PRELID2: variants seen among roughly 807,000 people sequenced by gnomAD.
PRELID2 encodes PRELI domain-containing protein 2.
In PRELID2, 25 loss-of-function variants were observed where a neutral mutation model predicts 28.4. The observed-to-expected ratio is 0.88, with a 90% confidence interval of 0.64 to 1.23. The LOEUF is 1.23. PRELID2 is among the 50% of genes most tolerant of loss of function. The pLI, the probability that PRELID2 is intolerant of heterozygous loss-of-function variation, is 0.00. For missense variants in PRELID2, 201 were observed against 214.4 expected, an observed-to-expected ratio of 0.94 and a Z score of 0.39; for synonymous variants, 76 against 71.6, an observed-to-expected ratio of 1.06 and a Z score of -0.31.
intron 5 of PRELID2, among the ~76,000 whole-genome samples, chr5:145,782,702 A>G (rs1028695014): frequency 2.1e-4 from 32 of 152,206 alleles, no homozygotes; most frequent in African/African-American, 7.5e-4. Flanking sequence ...TTATTTTTAA[A>G]TATTTTATTG....
At chr5:145,240,037 C>A in the PRELID2 span, among the ~76,000 whole-genome samples, 3 of 152,010 alleles carry the variant, frequency 2.0e-5, no homozygotes, top group East Asian at 5.8e-4. Context: ...TAAATAAGTT[C>A]TTTGACAACA....
At position 145,585,990 on chromosome 5, in the gene PRELID2, CT is replaced by C. The variant is rs915188606; in HGVS notation, n.71-112676del. On this transcript the variant is annotated intron_variant and non_coding_transcript_variant, in intron 1 of 2. Transcript: ENST00000510259. ...GTGCTCTTGAAACCTAGAGAAATCC[CT>C]GGATCATCCAGAGATTTCGAGTCTA... Among the ~76,000 whole-genome samples, 27 of 152,062 alleles carry C rather than the reference CT, an allele frequency of 1.8e-4. 1 individual carries two copies. The highest frequency in any genetic ancestry group is 1.2e-3 in the Admixed American group (18 of 15,242).
At chr5:145,454,459 G>C in the PRELID2 span, among the ~76,000 whole-genome samples, 8 of 152,168 alleles carry the variant, frequency 5.3e-5, no homozygotes, top group African/African-American at 1.9e-4. Flanking sequence ...GAAATAAAGG[G>C]TATTCAATTA....
In PRELID2 at chr5:145,488,791, C is replaced by T. The variant is rs181567176; in HGVS notation, n.71-15476G>A. On this transcript the variant is annotated intron_variant and non_coding_transcript_variant, in intron 1 of 2. Transcript: ENST00000510259. Reference sequence around the variant, plus strand: ...AATCGAGTTCATGGCCTCTTACGACCTAGTAGTTTTTTATTCACACATTTA... The same window carrying T: ...AATCGAGTTCATGGCCTCTTACGACTTAGTAGTTTTTTATTCACACATTTA... Among the ~76,000 whole-genome samples, 9 of 152,150 alleles carry T rather than the reference C, an allele frequency of 5.9e-5. No homozygotes were observed. In the East Asian group the frequency reaches 1.7e-3, roughly 29 times the overall value.
At position 145,719,436 on chromosome 5, in the gene PRELID2, A is replaced by G. The variant is rs180822106; in HGVS notation, n.70+45495T>C. On this transcript the variant is annotated intron_variant and non_coding_transcript_variant, in intron 1 of 2. Transcript: ENST00000510259. ...TGAAGAGAAGCATGTAAAAGAAACA[A>G]AATCCTACAAGACAAAAGGTAGTAA... Among the ~76,000 whole-genome samples the G allele has an allele frequency of 7.7e-4, 117 of 151,996 alleles. 1 individual carries two copies. Among genetic ancestry groups the G allele is most frequent in the African/African-American group, 2.6e-3 (108 of 41,508 alleles).
At chr5:145,345,236 C>A in the PRELID2 span, among the ~76,000 whole-genome samples, 1 of 152,000 alleles carries the variant, frequency 6.6e-6, no homozygotes, top group African/African-American at 2.4e-5. Context: ...ATTCCATTCT[C>A]ACTAAGCCCT....
the PRELID2 span, among the ~76,000 whole-genome samples, chr5:145,297,044 T>C: frequency 3.9e-5 from 6 of 152,122 alleles, no homozygotes; most frequent in African/African-American, 1.4e-4. Context: ...GGGTTGTTTG[T>C]TTTTTCCTTG....
chr5:145,697,082 C>T (rs867649871), intron 1 of PRELID2, among the ~76,000 whole-genome samples: 38 of 96,510 alleles, frequency 3.9e-4, no homozygotes, highest in East Asian at 1.1e-3. Context: ...TATATATATA[C>T]ACACACACAC....
intron 1 of PRELID2, among the ~76,000 whole-genome samples, chr5:145,682,932 T>C (rs1754966433): frequency 6.6e-6 from 1 of 152,164 alleles, no homozygotes; most frequent in Non-Finnish European, 1.5e-5. Context: ...CAGTGTTACA[T>C]CATGGGACTA....
At chr5:145,350,098 A>G in the PRELID2 span, among the ~76,000 whole-genome samples, 1 of 152,154 alleles carries the variant, frequency 6.6e-6, no homozygotes, top group Non-Finnish European at 1.5e-5. Flanking sequence ...TGCTGGACAA[A>G]TTATTTAAAT....
chr5:145,716,964 C>T (rs548204751), intron 1 of PRELID2, among the ~76,000 whole-genome samples: 1 of 152,220 alleles, frequency 6.6e-6, no homozygotes, highest in African/African-American at 2.4e-5. Flanking sequence ...TGACACAACT[C>T]ATATACCCAT....
chr5:145,370,224 G>A, the PRELID2 span, among the ~76,000 whole-genome samples: 4 of 152,048 alleles, frequency 2.6e-5, no homozygotes, highest in Non-Finnish European at 4.4e-5. Flanking sequence ...GTACTGCCAA[G>A]GTTTCCTTCT....
At chr5:145,356,131 G>A in the PRELID2 span, among the ~76,000 whole-genome samples, 6 of 151,840 alleles carry the variant, frequency 4.0e-5, no homozygotes, top group Non-Finnish European at 5.9e-5. Flanking sequence ...CCTAACACTG[G>A]CCTCATTCGA....
At position 145,604,882 on chromosome 5, in the gene PRELID2, C is replaced by CATATATAT. The variant is rs35401852; in HGVS notation, n.71-131575_71-131568dup. Among the ~76,000 whole-genome samples, 497 of 116,132 alleles carry CATATATAT rather than the reference C, an allele frequency of 4.3e-3. 10 individuals carry two copies. Among genetic ancestry groups the CATATATAT allele is most frequent in the African/African-American group, 6.8e-3 (178 of 26,332 alleles). 76.2% of individuals were successfully genotyped at this position (116,132 alleles called of 152,430 possible). ...ACCATATTTTAATATGCTTGTTGGC[C>CATATATAT]ATATATATATATATATATATATTCT... On this transcript the variant is annotated intron_variant and non_coding_transcript_variant, in intron 1 of 2. Transcript: ENST00000510259.
At chr5:145,450,218 T>G in the PRELID2 span, among the ~76,000 whole-genome samples, 1 of 152,130 alleles carries the variant, frequency 6.6e-6, no homozygotes, top group Non-Finnish European at 1.5e-5. Context: ...AGTCCCTCAT[T>G]GCAAAACACA....
At chr5:145,302,187 TC>T in the PRELID2 span, among the ~76,000 whole-genome samples, 2 of 152,032 alleles carry the variant, frequency 1.3e-5, no homozygotes, top group South Asian at 4.2e-4. Flanking sequence ...TCTGAGACAG[TC>T]TCACTTTGTC....
chr5:145,473,235 A>G (rs1210529576), exon 2 of PRELID2: 1 of 152,210 alleles, frequency 6.6e-6, no homozygotes, highest in Admixed American at 6.6e-5. Context: ...TCCACGCCAG[A>G]TGTTAACACA....
At chr5:145,649,546 A>T (rs947699133) in intron 1 of PRELID2, among the ~76,000 whole-genome samples, 21 of 152,208 alleles carry the variant, frequency 1.4e-4, no homozygotes, top group African/African-American at 5.1e-4. Flanking sequence ...ATCAGGACAT[A>T]ACCTCGTCAT....
At chr5:145,249,233 C>T in the PRELID2 span, among the ~76,000 whole-genome samples, 3 of 152,130 alleles carry the variant, frequency 2.0e-5, no homozygotes, top group Admixed American at 2.0e-4. Context: ...TAACATGCCC[C>T]TTCCCGGCAC....
Sources: allele counts gnomAD v4.1 joint callset (sites outside exome capture counted in the v4.1 genomes callset), GRCh38; gene constraint gnomAD v4.1.1; transcripts MANE v1.5; gene names NCBI Gene and HGNC (gene_info 2026-07-23, HGNC 2026-07-21).